Variants in EYS observed in about 807,000 individuals in gnomAD.
EYS encodes the protein EGF-like photoreceptor maintenance factor.
A neutral mutation model predicts 282.1 loss-of-function variants in EYS; 250 were observed. The observed-to-expected ratio is 0.89, with a 90% CI of 0.80 to 0.98. EYS has a LOEUF of 0.98. Among genes scored for constraint, EYS ranks in the 50% least tolerant of loss-of-function variants. The probability of loss-of-function intolerance (pLI) is 0.00; values close to 1 mark genes in which losing one functional copy is unlikely to be tolerated. For missense variants in EYS, 4,016 were observed against 3,709.0 expected, an observed-to-expected ratio of 1.08 and a Z score of -2.15; for synonymous variants, 1,355 against 1,282.9, an observed-to-expected ratio of 1.06 and a Z score of -1.20.
chr6:65,387,120 T>C (rs1166530628), intron 7 of EYS, among the ~76,000 whole-genome samples: 1 of 152,040 alleles, frequency 6.6e-6, no homozygotes, highest in Non-Finnish European at 1.5e-5. Context: ...ATCTTTCTAT[T>C]ATTAGGTTTC....
chr6:64,117,535 T>C (rs926381223), intron 31 of EYS, among the ~76,000 whole-genome samples: 1 of 151,418 alleles, frequency 6.6e-6, no homozygotes, highest in African/African-American at 2.4e-5. Context: ...TACATTACAA[T>C]AATGTGAGAT....
At chr6:64,403,895 T>C (rs903714854) in intron 28 of EYS, among the ~76,000 whole-genome samples, 3 of 152,162 alleles carry the variant, frequency 2.0e-5, no homozygotes, top group Non-Finnish European at 4.4e-5. Context: ...TCTGAGAAAC[T>C]GGATTTTTTC....
intron 31 of EYS, among the ~76,000 whole-genome samples, chr6:64,200,059 T>A (rs1338535193): frequency 6.6e-6 from 1 of 152,086 alleles, no homozygotes; most frequent in Admixed American, 6.6e-5. Context: ...ATATTGTTAA[T>A]TGAGAGAAGC....
At chr6:65,011,520 C>A (rs905630430) in intron 13 of EYS, among the ~76,000 whole-genome samples, 1 of 152,114 alleles carries the variant, frequency 6.6e-6, no homozygotes, top group Admixed American at 6.5e-5. Context: ...TTGAAGACAC[C>A]CCTCCCGAGG....
chr6:64,536,321 T>A (rs1219121609), intron 26 of EYS, among the ~76,000 whole-genome samples: 2 of 152,068 alleles, frequency 1.3e-5, no homozygotes, highest in Admixed American at 1.3e-4. Flanking sequence ...ATAAAAAAGA[T>A]CTTCCTAATA....
In EYS at chr6:64,341,495, G is replaced by A. The variant is rs550829427; in HGVS notation, c.6079-34413C>T. On this transcript the variant is annotated intron_variant, in intron 29 of 42. Coordinates refer to ENST00000503581, the MANE Select transcript of EYS (RefSeq NM_001142800.2). ...CTTATAAGTGGGAGGTAAGTATTGA[G>A]CAACCATGGACATAAATATGAGAAC... Among the ~76,000 whole-genome samples the A allele has an allele frequency of 1.1e-4, 16 of 151,812 alleles. No homozygotes were observed. In the South Asian group the frequency reaches 1.2e-3, roughly 12 times the overall value.
intron 28 of EYS, among the ~76,000 whole-genome samples, chr6:64,414,645 G>A (rs1379813590): frequency 6.6e-6 from 1 of 152,052 alleles, no homozygotes; most frequent in Non-Finnish European, 1.5e-5. Flanking sequence ...TTATTTACTG[G>A]GCAGAGGGTG....
chr6:64,753,489 A>C (rs547425050), intron 22 of EYS, among the ~76,000 whole-genome samples: 2 of 148,350 alleles, frequency 1.3e-5, no homozygotes, highest in African/African-American at 5.0e-5. Context: ...AATAGGCTTT[A>C]TATCAAAAAA....
intron 19 of EYS, among the ~76,000 whole-genome samples, chr6:64,837,684 G>GAT (rs35119556): frequency 0.69 from 97,285 of 141,008 alleles, 34,315 homozygotes; most frequent in Admixed American, 0.76. Flanking sequence ...ATATATATAG[G>GAT]ATATATATAT....
intron 26 of EYS, among the ~76,000 whole-genome samples, chr6:64,536,424 G>A (rs1041266135): frequency 6.6e-6 from 1 of 152,084 alleles, no homozygotes; most frequent in Non-Finnish European, 1.5e-5. Context: ...ACATTATGAC[G>A]ACAATTACAG....
intron 2 of EYS, among the ~76,000 whole-genome samples, chr6:65,506,483 T>C (rs1582390398): frequency 2.6e-5 from 2 of 75,486 alleles, no homozygotes; most frequent in South Asian, 5.6e-4. Context: ...TTTTTTTTTT[T>C]TTTTTTTTTT....
intron 26 of EYS, among the ~76,000 whole-genome samples, chr6:64,507,281 C>T (rs1350075587): frequency 6.6e-6 from 1 of 152,034 alleles, no homozygotes; most frequent in East Asian, 1.9e-4. Flanking sequence ...CCAACATTCT[C>T]AGCAAACTAT....
chr6:63,948,581 TTCTC>T (rs1389362692), intron 35 of EYS, among the ~76,000 whole-genome samples: 1 of 151,442 alleles, frequency 6.6e-6, no homozygotes, highest in African/African-American at 2.4e-5. Flanking sequence ...ACAAACATTT[TTCTC>T]TCTCTCCCTG....
At chr6:64,427,338 C>A (rs533704833) in intron 28 of EYS, among the ~76,000 whole-genome samples, 2 of 152,102 alleles carry the variant, frequency 1.3e-5, no homozygotes, top group African/African-American at 4.8e-5. Flanking sequence ...AGCAGGTAAC[C>A]AACAACTATA....
intron 8 of EYS, among the ~76,000 whole-genome samples, chr6:65,363,720 C>T (rs1280683546): frequency 6.6e-6 from 1 of 151,848 alleles, no homozygotes. Context: ...TAACTTCAAT[C>T]TATCAGTAGT....
chr6:65,441,721 A>G (rs1233745138), intron 5 of EYS, among the ~76,000 whole-genome samples: 1 of 152,114 alleles, frequency 6.6e-6, no homozygotes, highest in Non-Finnish European at 1.5e-5. Context: ...AAGTCAACCT[A>G]AAAACACAGA....
chr6:65,469,061 A>G (rs985252452), intron 5 of EYS, among the ~76,000 whole-genome samples: 134 of 152,158 alleles, frequency 8.8e-4, no homozygotes, highest in African/African-American at 3.2e-3. Flanking sequence ...TATATCGTAC[A>G]CTCTTAAATT....
intron 12 of EYS, among the ~76,000 whole-genome samples, chr6:65,238,817 A>C (rs550461471): frequency 6.6e-6 from 1 of 151,868 alleles, no homozygotes; most frequent in Non-Finnish European, 1.5e-5. Flanking sequence ...TTCATTTAAA[A>C]GTATTAGAAA....
chr6:64,720,904 T>A (rs979006600), intron 22 of EYS, among the ~76,000 whole-genome samples: 1 of 152,248 alleles, frequency 6.6e-6, no homozygotes, highest in African/African-American at 2.4e-5. Context: ...TGCATTTTTT[T>A]ATGAAAGCCT....
Sources: gnomAD v4.1 joint callset for allele counts (sites outside exome capture counted in the v4.1 genomes callset) on GRCh38, gnomAD v4.1.1 for gene constraint, MANE v1.5 for transcripts, NCBI Gene and HGNC (gene_info 2026-07-23, HGNC 2026-07-21) for gene names.